Variants in VPS8 observed in about 807,000 individuals in gnomAD.
VPS8 encodes the protein vacuolar protein sorting-associated protein 8 homolog.
A neutral mutation model predicts 216.4 loss-of-function variants in VPS8; 129 were observed. That is an observed-to-expected ratio of 0.60 (90% CI 0.52 to 0.69). The LOEUF (loss-of-function observed/expected upper bound fraction) is 0.69, where lower values mean the gene tolerates loss of function less well. VPS8 is among the 30% of genes least tolerant of loss of function. The pLI, the probability that VPS8 is intolerant of heterozygous loss-of-function variation, is 0.00. For missense variants in VPS8, 1,531 were observed against 1,683.5 expected, an observed-to-expected ratio of 0.91 and a Z score of 1.59; for synonymous variants, 571 against 565.4, an observed-to-expected ratio of 1.01 and a Z score of -0.14.
At chr3:184,815,658 G>C (rs1198942666) in intron 1 of VPS8, 1 of 151,958 alleles carries the variant, frequency 6.6e-6, no homozygotes, top group Non-Finnish European at 1.5e-5. Flanking sequence ...CGCTAGCTAG[G>C]CAGATAGGGT....
intron 1 of VPS8, among the ~76,000 whole-genome samples, chr3:184,816,480 G>A (rs1352627257): frequency 6.6e-6 from 1 of 152,152 alleles, no homozygotes; most frequent in Non-Finnish European, 1.5e-5. Flanking sequence ...AGAAACAGAG[G>A]GTTGGGCTTT....
At chr3:184,893,896 G>A (rs780335070) in intron 22 of VPS8, among the ~76,000 whole-genome samples, 5 of 152,250 alleles carry the variant, frequency 3.3e-5, no homozygotes, top group South Asian at 2.1e-4. Flanking sequence ...TGGTAATTTT[G>A]AAGAATAAAT....
At chr3:185,042,588 T>A (rs1230373457) in intron 46 of VPS8, among the ~76,000 whole-genome samples, 1 of 152,256 alleles carries the variant, frequency 6.6e-6, no homozygotes, top group East Asian at 1.9e-4. Flanking sequence ...AATACCTCCG[T>A]TACATTGTGG....
At chr3:185,012,285 TA>T in intron 45 of VPS8, among the ~76,000 whole-genome samples, 1 of 147,420 alleles carries the variant, frequency 6.8e-6, no homozygotes, top group South Asian at 2.1e-4. Flanking sequence ...CATATATCTA[TA>T]ATTTATATAT....
intron 25 of VPS8, among the ~76,000 whole-genome samples, chr3:184,906,964 A>G (rs1578182772): frequency 2.0e-5 from 3 of 152,204 alleles, no homozygotes; most frequent in African/African-American, 7.2e-5. Context: ...TGTTAAAGTT[A>G]TCTGAGACCT....
chr3:184,954,226 A>G (rs1478958595), intron 36 of VPS8, among the ~76,000 whole-genome samples: 1 of 152,326 alleles, frequency 6.6e-6, no homozygotes, highest in South Asian at 2.1e-4. Flanking sequence ...CTCTCAGTGC[A>G]CACTGCCCTC....
intron 37 of VPS8, among the ~76,000 whole-genome samples, chr3:184,962,131 A>G (rs991443677): frequency 6.6e-6 from 1 of 152,264 alleles, no homozygotes. Context: ...ATCTTACGGT[A>G]ATCTATCAAA....
chr3:185,005,625 T>TTTTATTTATTTATTTA (rs58712087), intron 45 of VPS8, among the ~76,000 whole-genome samples: 28 of 150,330 alleles, frequency 1.9e-4, no homozygotes, highest in African/African-American at 6.9e-4. Context: ...ATTTTATTTA[T>TTTTATTTATTTATTTA]TTTATTTATT....
intron 45 of VPS8, among the ~76,000 whole-genome samples, chr3:185,016,880 C>T (rs1230039442): frequency 6.6e-6 from 1 of 152,132 alleles, no homozygotes; most frequent in Non-Finnish European, 1.5e-5. Context: ...ATTGGCTTAT[C>T]TGTTAACCAT....
intron 28 of VPS8, among the ~76,000 whole-genome samples, chr3:184,916,646 A>T (rs1737647161): frequency 6.6e-6 from 1 of 152,184 alleles, no homozygotes; most frequent in Admixed American, 6.5e-5. Context: ...GAAAGAAGAG[A>T]GGGAGAAACT....
chr3:185,016,539 GA>G (rs1323224161), intron 45 of VPS8, among the ~76,000 whole-genome samples: 1 of 152,118 alleles, frequency 6.6e-6, no homozygotes, highest in Non-Finnish European at 1.5e-5. Flanking sequence ...TTTACTGCAG[GA>G]ATTGTAAATG....
At chr3:184,894,557 T>C in intron 22 of VPS8, 146 bp from the exon 23 acceptor site, 1 of 513,698 alleles carries the variant, frequency 1.9e-6, no homozygotes, top group South Asian at 2.2e-5. Context: ...GTTTTTGCAG[T>C]ATAAAACTCT....
intron 23 of VPS8, among the ~76,000 whole-genome samples, chr3:184,895,537 C>T (rs1259271844): frequency 7.1e-6 from 1 of 140,384 alleles, no homozygotes; most frequent in Non-Finnish European, 1.5e-5. Context: ...AATTGAGGTG[C>T]AGTATTTATT....
chr3:184,936,316 C>T lies in VPS8; in HGVS notation c.2969C>T (p.Thr990Met), dbSNP rs536616649. 334 of 1,610,702 alleles carry T rather than the reference C, an allele frequency of 2.1e-4. No individual in the cohort carries two copies. The South Asian group carries it at 2.5e-3, about 12-fold the overall frequency. The change falls in exon 35 of 48, where the codon ACG becomes ATG. Residue 990 changes from threonine (T) to methionine (M), a missense_variant. Coordinates refer to ENST00000625842, the MANE Select transcript of VPS8 (RefSeq NM_001009921.3). ...ACCCACTTTTCTGGACATATTGAAA[C>T]GGTCATTAAAAAACTTCAGGTACAT... is the stretch of plus-strand genomic sequence containing the variant. The part of the protein sequence containing the change: ...VATHFSGHIE[T>M]VIKKLQNQVL...
intron 31 of VPS8, 101 bp from the exon 32 acceptor site, chr3:184,928,350 C>A (rs1435780324): frequency 1.8e-6 from 2 of 1,110,368 alleles, no homozygotes; most frequent in African/African-American, 1.7e-5. Context: ...ACTAAGAATA[C>A]AAAAGAAAAA....
rs1252507582 is a variant in VPS8, at chr3:185,052,147, T to G, written c.*122T>G. On this transcript the variant is annotated 3_prime_UTR_variant, in exon 48 of 48. Transcript: ENST00000625842. Reference sequence around the variant, plus strand: ...ACGCTTCTGAGAAGAGGTTCCAAATTGGGCTTCTGTGCCCAGAGCGTCCAC... The same window carrying G: ...ACGCTTCTGAGAAGAGGTTCCAAATGGGGCTTCTGTGCCCAGAGCGTCCAC... The G allele has an allele frequency of 1.7e-6, 2 of 1,160,792 alleles. No individual in the cohort carries two copies. The highest frequency in any genetic ancestry group is 2.3e-6 in the Non-Finnish European group (2 of 853,314). 71.9% of individuals were successfully genotyped at this position (1,160,792 alleles called of 1,614,324 possible). A position where few individuals can be genotyped will look rare whatever the true frequency, so the allele number is the denominator to read the frequency against.
intron 16 of VPS8, 109 bp from the exon 17 acceptor site, chr3:184,866,767 C>G (rs1727435134): frequency 2.0e-6 from 2 of 993,510 alleles, no homozygotes; most frequent in African/African-American, 3.3e-5. Flanking sequence ...ACTATAATCA[C>G]TAAAAAAGAC....
intron 25 of VPS8, among the ~76,000 whole-genome samples, chr3:184,910,396 A>G (rs750973901): frequency 1.4e-4 from 21 of 152,266 alleles, no homozygotes; most frequent in East Asian, 9.7e-4. Context: ...ACCCAGGCCA[A>G]AAGCCACAGA....
At chr3:185,011,978 A>G (rs1384477044) in intron 45 of VPS8, among the ~76,000 whole-genome samples, 1 of 152,216 alleles carries the variant, frequency 6.6e-6, no homozygotes, top group Non-Finnish European at 1.5e-5. Context: ...TCTCTGAAGT[A>G]AAACCAAGTG....
Sources: allele counts gnomAD v4.1 joint callset (sites outside exome capture counted in the v4.1 genomes callset), GRCh38; gene constraint gnomAD v4.1.1; transcripts MANE v1.5; gene names NCBI Gene and HGNC (gene_info 2026-07-23, HGNC 2026-07-21).